Variants in ARSK observed in about 807,000 individuals in gnomAD.
ARSK encodes arylsulfatase family member K.
ARSK carries 37 observed loss-of-function variants against 53.2 expected under a neutral mutation model. That is an observed-to-expected ratio of 0.70 (90% CI 0.54 to 0.92). The LOEUF is 0.92. Among genes scored for constraint, ARSK ranks in the 40% least tolerant of loss-of-function variants. ARSK has a pLI of 0.00. For missense variants in ARSK, 613 were observed against 643.0 expected (o/e 0.95, Z 0.51); for synonymous variants, 208 against 223.2 (o/e 0.93, Z 0.61).
rs572412335 is a variant in ARSK, at chr5:95,602,712, T to C, written c.1322-525T>C. Among the ~76,000 whole-genome samples, 8 of 152,324 alleles carry C rather than the reference T, an allele frequency of 5.3e-5. No individual in the cohort carries two copies. In the East Asian group the frequency reaches 1.5e-3, roughly 29 times the overall value. ...GCTGGCAGTGATTGAGAAGTTTGTA[T>C]TTCCATGGCTGTTTGTTCAAATGGA... On this transcript the variant is annotated intron_variant, in intron 7 of 7. Transcript: ENST00000380009.
chr5:95,566,028 C>G lies in ARSK; in HGVS notation c.157C>G (p.Gln53Glu), dbSNP rs1383212768. ...DGRLTFHPGS[Q>E]VVKLPFINFM... ...AAGGTTAACATTTCATCCAGGAAGT[C>G]AGGTAGTGAAACTTCCTTTTATCAA... is the stretch of plus-strand genomic sequence containing the variant. Residue 53 changes from glutamine (Q) to glutamate (E), a missense_variant, in exon 2 of 8, where the codon CAG becomes GAG. Transcript: ENST00000380009. 1.9e-6 allele frequency: 3 copies of G among 1,612,526 alleles called. No homozygotes were observed. Among genetic ancestry groups the G allele is most frequent in the Non-Finnish European group, 2.5e-6 (3 of 1,179,350 alleles).
At chr5:95,602,000 C>T (rs1749408503) in intron 7 of ARSK, among the ~76,000 whole-genome samples, 1 of 151,846 alleles carries the variant, frequency 6.6e-6, no homozygotes, top group African/African-American at 2.4e-5. Flanking sequence ...GGGTCACTGG[C>T]AGTAGGTGCC....
Position 95,603,507 on chromosome 5 carries a change from T to C in ARSK, c.1592T>C (p.Met531Thr), listed in dbSNP as rs762899325. 3.7e-6 allele frequency: 6 copies of C among 1,603,092 alleles called. No individual in the cohort carries two copies. The highest frequency in any genetic ancestry group is 5.1e-6 in the Non-Finnish European group (6 of 1,176,580). ...ATTGATCAGTGGCTTAAAACCCATA[T>C]GAATCCAAGAGCAGTTTGAACAAAA... ...NAIDQWLKTHMNPRAV is the reference protein window; with the variant it reads ...NAIDQWLKTHTNPRAV Residue 531 changes from methionine to threonine, a missense_variant, in exon 8 of 8, where the codon ATG becomes ACG. Transcript: ENST00000380009.
chr5:95,558,825 A>T (rs1580212423), intron 1 of ARSK, among the ~76,000 whole-genome samples: 1 of 152,360 alleles, frequency 6.6e-6, no homozygotes, highest in East Asian at 1.9e-4. Flanking sequence ...TCCAAAAATT[A>T]GGAGAGAACA....
At chr5:95,587,970 G>T (rs1749150959) in intron 5 of ARSK, among the ~76,000 whole-genome samples, 1 of 150,772 alleles carries the variant, frequency 6.6e-6, no homozygotes. Context: ...ATGCAAATAA[G>T]ATCTTAAGTA....
chr5:95,565,911 T>C (rs1408298165), intron 1 of ARSK, 87 bp from the exon 2 acceptor site: 2 of 1,246,710 alleles, frequency 1.6e-6, no homozygotes, highest in Non-Finnish European at 2.2e-6. Context: ...TATTGAAGTC[T>C]TCTGCTATTG....
chr5:95,558,572 TTACA>T (rs1282016039), intron 1 of ARSK, among the ~76,000 whole-genome samples: 1 of 152,200 alleles, frequency 6.6e-6, no homozygotes, highest in African/African-American at 2.4e-5. Context: ...AAGGGAATAC[TTACA>T]TACAACAACT....
At chr5:95,603,101 C>G (rs761260813) in intron 7 of ARSK, 136 bp from the exon 8 acceptor site, 1 of 636,496 alleles carries the variant, frequency 1.6e-6, no homozygotes, top group Admixed American at 3.6e-5. Context: ...ACCATTTATA[C>G]TGTCCTTCAT....
intron 3 of ARSK, among the ~76,000 whole-genome samples, chr5:95,580,082 A>G (rs1222183035): frequency 2.0e-5 from 3 of 152,224 alleles, no homozygotes; most frequent in Non-Finnish European, 2.9e-5. Context: ...AGCTGTGCCT[A>G]TTGCAAGCAG....
chr5:95,581,374 C>A (rs887349147), intron 3 of ARSK, among the ~76,000 whole-genome samples: 1 of 152,156 alleles, frequency 6.6e-6, no homozygotes, highest in Non-Finnish European at 1.5e-5. Flanking sequence ...AGCCATCTTT[C>A]AAGGCTTGAA....
intron 3 of ARSK, 45 bp from the exon 4 acceptor site, chr5:95,582,871 C>T: frequency 6.7e-7 from 1 of 1,493,524 alleles, no homozygotes; most frequent in Non-Finnish European, 9.0e-7. Context: ...GTTTTTAAAA[C>T]TTTTTAATAT....
At chr5:95,588,303 C>G (rs1749155222) in intron 5 of ARSK, among the ~76,000 whole-genome samples, 1 of 148,314 alleles carries the variant, frequency 6.7e-6, no homozygotes. Flanking sequence ...GTGGCGGGGT[C>G]TCTGCTTACT....
chr5:95,596,581 A>G (rs1580231338), intron 6 of ARSK, among the ~76,000 whole-genome samples: 1 of 152,314 alleles, frequency 6.6e-6, no homozygotes, highest in South Asian at 2.1e-4. Context: ...TTAAACAGAA[A>G]AAAACACTTC....
At chr5:95,590,976 C>G (rs1749202702) in intron 5 of ARSK, among the ~76,000 whole-genome samples, 1 of 152,198 alleles carries the variant, frequency 6.6e-6, no homozygotes. Flanking sequence ...TCTGACTGCT[C>G]TTATCACTTC....
At chr5:95,588,437 A>G (rs1580227532) in intron 5 of ARSK, among the ~76,000 whole-genome samples, 1 of 151,582 alleles carries the variant, frequency 6.6e-6, no homozygotes, top group Non-Finnish European at 1.5e-5. Flanking sequence ...GGGTTTCACC[A>G]TGTTGGTCAG....
chr5:95,563,952 C>A (rs1447414973), intron 1 of ARSK, among the ~76,000 whole-genome samples: 2 of 147,682 alleles, frequency 1.4e-5, no homozygotes, highest in African/African-American at 2.5e-5. Flanking sequence ...TAAAGAAATT[C>A]TCATGAGGGA....
intron 3 of ARSK, among the ~76,000 whole-genome samples, chr5:95,582,537 T>A (rs567632387): frequency 1.3e-5 from 2 of 152,176 alleles, no homozygotes; most frequent in South Asian, 4.1e-4. Flanking sequence ...AAAAGGAAAT[T>A]ATAGTAGCTT....
intron 2 of ARSK, among the ~76,000 whole-genome samples, chr5:95,567,310 C>T (rs1175347983): frequency 6.6e-6 from 1 of 152,190 alleles, no homozygotes; most frequent in African/African-American, 2.4e-5. Context: ...CCCATCCCAC[C>T]TCTCAGAAAA....
chr5:95,561,398 A>G (rs1442332021), intron 1 of ARSK, among the ~76,000 whole-genome samples: 1 of 152,134 alleles, frequency 6.6e-6, no homozygotes, highest in African/African-American at 2.4e-5. Context: ...CAGCAGTTTT[A>G]CTCCTAGGTG....
Sources: allele counts gnomAD v4.1 joint callset (sites outside exome capture counted in the v4.1 genomes callset), GRCh38; gene constraint gnomAD v4.1.1; transcripts MANE v1.5; gene names NCBI Gene and HGNC (gene_info 2026-07-23, HGNC 2026-07-21).